CACNA1I: variants seen among roughly 807,000 people sequenced by gnomAD.
CACNA1I encodes the protein calcium voltage-gated channel subunit alpha1 I.
CACNA1I carries 74 observed loss-of-function variants against 201.6 expected under a neutral mutation model. The ratio of observed to expected loss-of-function variants is 0.37; its 90% CI spans 0.30 to 0.45. The LOEUF is 0.45. CACNA1I is among the 20% of genes least tolerant of loss of function. CACNA1I has a pLI of 1.00. For synonymous variants in CACNA1I, 1,431 were observed against 1,345.2 expected (o/e 1.06, Z -1.40); for missense variants, 2,346 against 3,138.1 (o/e 0.75, Z 6.03).
At chr22:39,573,500 C>T (rs575708046) in intron 1 of CACNA1I, among the ~76,000 whole-genome samples, 92 of 152,118 alleles carry the variant, frequency 6.0e-4, no homozygotes, top group Admixed American at 4.2e-3. Context: ...GTGTGTGACC[C>T]TGGGCAGTCT....
chr22:39,597,524 G>A (rs558730983), intron 1 of CACNA1I, among the ~76,000 whole-genome samples: 2 of 152,254 alleles, frequency 1.3e-5, no homozygotes, highest in Non-Finnish European at 2.9e-5. Context: ...CGCAGCAGGA[G>A]ACTTTCTGCC....
chr22:39,681,718 C>T lies in CACNA1I; in HGVS notation c.5664+666C>T, dbSNP rs193125924. 2.0e-5 allele frequency among the ~76,000 whole-genome samples: 3 copies of T among 151,524 alleles called. No individual in the cohort carries two copies. In the East Asian group the frequency reaches 5.8e-4, roughly 30 times the overall value. ...GATCTCAAGGTCAAGGTGGTCCTGC[C>T]CTGCTGGGGGTGGGGGGTGTAAGGG... is the stretch of plus-strand genomic sequence containing the variant. On this transcript the variant is annotated intron_variant, in intron 34 of 36. Transcript: ENST00000402142.
At position 39,663,853 on chromosome 22, in the gene CACNA1I, T is replaced by C. The variant is rs528016514; in HGVS notation, c.3597+12T>C. 3 of 1,613,090 alleles carry C rather than the reference T, an allele frequency of 1.9e-6. No homozygotes were observed. Among genetic ancestry groups the C allele is most frequent in the South Asian group, 2.2e-5 (2 of 91,076 alleles). On this transcript the variant is annotated intron_variant, in intron 19 of 36. Coordinates refer to ENST00000402142, the MANE Select transcript of CACNA1I (RefSeq NM_021096.4). ...AGGCCGGCAGCACCGTGAGTGGCTG[T>C]AGCCTTTGGGCAGGGCAGGCGCCAG...
intron 27 of CACNA1I, 37 bp from the exon 28 acceptor site, chr22:39,672,912 C>T (rs376667699): frequency 8.2e-6 from 13 of 1,592,084 alleles, no homozygotes; most frequent in Middle Eastern, 1.7e-4. Context: ...GGATCCTCCT[C>T]ATGCCCACTC....
At chr22:39,578,891 T>G (rs1459190450) in intron 1 of CACNA1I, among the ~76,000 whole-genome samples, 1 of 152,134 alleles carries the variant, frequency 6.6e-6, no homozygotes, top group African/African-American at 2.4e-5. Flanking sequence ...CTCCTCTGCC[T>G]TTGCTCCTGC....
chr22:39,583,365 T>TATCCATCCATCC (rs61259535), intron 1 of CACNA1I, among the ~76,000 whole-genome samples: 1 of 145,096 alleles, frequency 6.9e-6, no homozygotes, highest in Non-Finnish European at 1.5e-5. Context: ...TCCAACCATC[T>TATCCATCCATCC]ATCCATCCAT....
intron 1 of CACNA1I, among the ~76,000 whole-genome samples, chr22:39,583,889 C>T (rs1955378505): frequency 1.3e-5 from 2 of 152,218 alleles, no homozygotes; most frequent in Non-Finnish European, 2.9e-5. Context: ...GGCCACTGGC[C>T]CTGCACATAG....
At chr22:39,591,264 C>G (rs1398577947) in intron 1 of CACNA1I, among the ~76,000 whole-genome samples, 2 of 151,214 alleles carry the variant, frequency 1.3e-5, no homozygotes, top group Non-Finnish European at 2.9e-5. Context: ...CGGGTTCAAG[C>G]GATCCTCCTG....
chr22:39,664,723 C>G lies in CACNA1I; in HGVS notation c.3667-16C>G. ...CCTCCCGCGGCAGCCTGACCCCGGC[C>G]CCACCCCCGCCCCAGGTAGTCTCGC... On this transcript the variant is annotated splice_polypyrimidine_tract_variant and intron_variant, in intron 20 of 36. Transcript: ENST00000402142. 1 of 1,392,546 alleles carries G rather than the reference C, an allele frequency of 7.2e-7. No homozygotes were observed. The highest frequency in any genetic ancestry group is 9.9e-7 in the Non-Finnish European group (1 of 1,007,498). The allele number at this position is 1,392,546 out of a possible 1,614,324, so 86.3% of individuals were successfully genotyped here. A position where few individuals can be genotyped will look rare whatever the true frequency, so the allele number is the denominator to read the frequency against.
chr22:39,636,844 G>T (rs972123056), intron 5 of CACNA1I, among the ~76,000 whole-genome samples: 2 of 152,230 alleles, frequency 1.3e-5, no homozygotes, highest in African/African-American at 4.8e-5. Context: ...TGGCACAGTG[G>T]GCCCTGTGAG....
intron 1 of CACNA1I, chr22:39,587,752 GTTTAT>G (rs772150055): frequency 4.5e-6 from 2 of 448,804 alleles, no homozygotes; most frequent in Admixed American, 2.4e-5. Flanking sequence ...GGTGCCTGTG[GTTTAT>G]TTTATTTTAT....
chr22:39,637,227 G>C (rs565613634), intron 5 of CACNA1I, among the ~76,000 whole-genome samples: 1 of 152,314 alleles, frequency 6.6e-6, no homozygotes, highest in South Asian at 2.1e-4. Flanking sequence ...GCTTGGCAGA[G>C]TGGGGCCTGG....
rs1016234471 is a variant in CACNA1I, at chr22:39,685,975, G to A, written c.6242G>A (p.Arg2081Gln). The change falls in exon 37 of 37, where the codon CGG becomes CAG. Residue 2081 changes from arginine to glutamine, a missense_variant. By Grantham distance (43) the Arg-to-Gln change is conservative. Around this residue, in one of 13 missense-constraint regions of CACNA1I, gnomAD observed 441 missense variants for 555.6 expected, o/e 0.79. Coordinates refer to ENST00000402142, the MANE Select transcript of CACNA1I (RefSeq NM_021096.4). The surrounding 1 kb of genome is among the most constrained non-coding windows in gnomAD (Gnocchi z 5.0). ...GRGLFSLRGLRAHQRSHSSGG... is the reference protein window; with the variant it reads ...GRGLFSLRGLQAHQRSHSSGG... ...GGCCTCTTCAGCCTGCGGGGGCTGC[G>A]GGCGCATCAGCGCAGCCACAGCAGC... is the stretch of plus-strand genomic sequence containing the variant. 8.0e-7 allele frequency: 1 copy of A among 1,255,822 alleles called. No individual in the cohort carries two copies. Among genetic ancestry groups the A allele is most frequent in the Non-Finnish European group, 9.9e-7 (1 of 1,007,174 alleles). The allele number at this position is 1,255,822 out of a possible 1,614,324, so 77.8% of individuals were successfully genotyped here. A position where few individuals can be genotyped will look rare whatever the true frequency, so the allele number is the denominator to read the frequency against.
At chr22:39,630,193 C>T (rs1443309503) in intron 4 of CACNA1I, among the ~76,000 whole-genome samples, 1 of 152,214 alleles carries the variant, frequency 6.6e-6, no homozygotes, top group Admixed American at 6.5e-5. Context: ...CCTGCCTTTC[C>T]TGGCCCCCTA....
chr22:39,686,426 C>T lies in CACNA1I; in HGVS notation c.*21C>T, dbSNP rs1457858329. 4.1e-6 allele frequency: 5 copies of T among 1,223,318 alleles called. No individual in the cohort carries two copies. Among genetic ancestry groups the T allele is most frequent in the East Asian group, 3.4e-5 (1 of 29,556 alleles). 75.8% of individuals were successfully genotyped at this position (1,223,318 alleles called of 1,614,324 possible). ...GATGAGGGTCGCAGGGGCCCCCGGC[C>T]GCCCACCGCCCGCCCCGTCTCACCT... On this transcript the variant is annotated 3_prime_UTR_variant, in exon 37 of 37. Coordinates refer to ENST00000402142, the MANE Select transcript of CACNA1I (RefSeq NM_021096.4).
intron 3 of CACNA1I, among the ~76,000 whole-genome samples, chr22:39,616,673 A>G (rs1034035691): frequency 6.6e-6 from 1 of 151,142 alleles, no homozygotes; most frequent in South Asian, 2.1e-4. Context: ...CTGAGGCAGG[A>G]GAATCGCTTG....
At chr22:39,645,828 G>A (rs1051212234) in intron 7 of CACNA1I, among the ~76,000 whole-genome samples, 2 of 152,240 alleles carry the variant, frequency 1.3e-5, no homozygotes, top group African/African-American at 4.8e-5. Context: ...AAGGAGATGG[G>A]ATCCCCAATG....
intron 5 of CACNA1I, among the ~76,000 whole-genome samples, chr22:39,637,876 A>C (rs1217165594): frequency 2.0e-5 from 3 of 152,148 alleles, no homozygotes; most frequent in Non-Finnish European, 2.9e-5. Flanking sequence ...AAAAAGAAAA[A>C]TCCTTTACAT....
Position 39,622,238 on chromosome 22 carries a change from G to A in CACNA1I, c.580+2831G>A, listed in dbSNP as rs1040189719. Among the ~76,000 whole-genome samples the A allele has an allele frequency of 2.0e-5, 3 of 152,146 alleles. No individual in the cohort carries two copies. The East Asian group carries it at 5.8e-4, about 29-fold the overall frequency. On this transcript the variant is annotated intron_variant, in intron 4 of 36. Transcript: ENST00000402142. ...CAGCAGGTGTACTGAGCTGTGTACTGTGCCAGGACCACAGAGCTATACATG... is the reference window on the plus strand; with the variant it reads ...CAGCAGGTGTACTGAGCTGTGTACTATGCCAGGACCACAGAGCTATACATG...
Sources: allele counts gnomAD v4.1 joint callset (sites outside exome capture counted in the v4.1 genomes callset), GRCh38; gene constraint gnomAD v4.1.1; regional missense constraint gnomAD v4.1.1; non-coding constraint Gnocchi (gnomAD v3.1); transcripts MANE v1.5; gene names NCBI Gene and HGNC (gene_info 2026-07-23, HGNC 2026-07-21).